The following ARNT2 variants were observed in gnomAD, a reference collection of about 807,000 sequenced individuals.
The protein encoded by ARNT2 is ARNT protein 2.
In ARNT2, 36 loss-of-function variants were observed where a neutral mutation model predicts 91.7. The ratio of observed to expected loss-of-function variants is 0.39; its 90% CI spans 0.30 to 0.52. ARNT2 has a LOEUF of 0.52. ARNT2 is among the 20% of genes least tolerant of loss of function. The pLI, the probability that ARNT2 is intolerant of heterozygous loss-of-function variation, is 0.72. For missense variants in ARNT2, 775 were observed against 939.3 expected (o/e 0.83, Z 2.29); for synonymous variants, 365 against 347.1 (o/e 1.05, Z -0.57).
chr15:80,460,505 C>T (rs889533993), intron 3 of ARNT2, among the ~76,000 whole-genome samples: 1 of 152,240 alleles, frequency 6.6e-6, no homozygotes, highest in Non-Finnish European at 1.5e-5. Flanking sequence ...TCCCGCCTGC[C>T]AGTGCCATAA....
chr15:80,570,521 T>A (rs1898565798), intron 12 of ARNT2, among the ~76,000 whole-genome samples: 1 of 152,212 alleles, frequency 6.6e-6, no homozygotes, highest in South Asian at 2.1e-4. Flanking sequence ...ATTATACTGA[T>A]TCATTTTTCA....
chr15:80,591,444 C>A lies in ARNT2; in HGVS notation c.1919-124C>A. The A allele has an allele frequency of 1.6e-6, 2 of 1,246,574 alleles. No homozygotes were observed. Among genetic ancestry groups the A allele is most frequent in the Non-Finnish European group, 2.3e-6 (2 of 872,566 alleles). The allele number at this position is 1,246,574 out of a possible 1,614,324, so 77.2% of individuals were successfully genotyped here. ...GAAAGACGAGGATAGCAAACACATT[C>A]CGCCAGCTCTGGATGGAACGTGCCT... is the stretch of plus-strand genomic sequence containing the variant. On this transcript the variant is annotated intron_variant, in intron 17 of 18. Transcript: ENST00000303329. This position sits in a 1 kb window ranked among gnomAD's most constrained non-coding sequence, Gnocchi z 5.1.
intron 3 of ARNT2, among the ~76,000 whole-genome samples, chr15:80,467,262 C>T (rs1048799983): frequency 2.0e-5 from 3 of 152,108 alleles, no homozygotes; most frequent in South Asian, 2.1e-4. Flanking sequence ...AGCAGGCAGT[C>T]GGCATGGACT....
intron 1 of ARNT2, among the ~76,000 whole-genome samples, chr15:80,411,196 A>G (rs1053032614): frequency 1.3e-5 from 2 of 152,232 alleles, no homozygotes; most frequent in South Asian, 4.1e-4. Flanking sequence ...CCAGGGCCCC[A>G]TAAAGCTGTA....
Position 80,595,333 on chromosome 15 carries a change from C to T in ARNT2, c.*1635C>T, listed in dbSNP as rs1436504415. ...TCCCAGAGTCCTTCAGGTAGGCCCT[C>T]GCAGATGCTGCTTGCTCAGAAACAA... On this transcript the variant is annotated 3_prime_UTR_variant, in exon 19 of 19. Coordinates refer to ENST00000303329, the MANE Select transcript of ARNT2 (RefSeq NM_014862.4). The T allele has an allele frequency of 1.3e-5, 2 of 152,266 alleles. No individual in the cohort carries two copies. Among genetic ancestry groups the T allele is most frequent in the Non-Finnish European group, 2.9e-5 (2 of 68,106 alleles). The allele number at this position is 152,266 out of a possible 1,614,324, so 9.4% of individuals were successfully genotyped here. A position where few individuals can be genotyped will look rare whatever the true frequency, so the allele number is the denominator to read the frequency against.
chr15:80,508,281 G>A (rs1348992578), intron 6 of ARNT2, 23 bp downstream of exon 6: 3 of 1,611,710 alleles, frequency 1.9e-6, no homozygotes, highest in Non-Finnish European at 2.5e-6. Flanking sequence ...GGAGCAGCAG[G>A]CCATCAGGTG....
intron 6 of ARNT2, among the ~76,000 whole-genome samples, chr15:80,510,022 G>A (rs138276412): frequency 2.6e-4 from 40 of 152,132 alleles, no homozygotes; most frequent in Middle Eastern, 3.2e-3. Context: ...AAACTGCCCC[G>A]GTTTTCTGTG....
In ARNT2 at chr15:80,591,387, A is replaced by G. The variant is rs1893277300; in HGVS notation, c.1919-181A>G. ...TGGGCAAAGGGCTCCTGTGTCTCTTATCCACTCCATTTATGATCTGTCAGC... is the reference window on the plus strand; with the variant it reads ...TGGGCAAAGGGCTCCTGTGTCTCTTGTCCACTCCATTTATGATCTGTCAGC... On this transcript the variant is annotated intron_variant, in intron 17 of 18. Coordinates refer to ENST00000303329, the MANE Select transcript of ARNT2 (RefSeq NM_014862.4). This position sits in a 1 kb window ranked among gnomAD's most constrained non-coding sequence, Gnocchi z 5.1. Among the ~76,000 whole-genome samples the G allele has an allele frequency of 6.6e-6, 1 of 152,158 alleles. No individual in the cohort carries two copies. Among genetic ancestry groups the G allele is most frequent in the South Asian group, 2.1e-4 (1 of 4,828 alleles).
chr15:80,427,732 C>T (rs1056703409), intron 1 of ARNT2, among the ~76,000 whole-genome samples: 2 of 152,172 alleles, frequency 1.3e-5, no homozygotes, highest in East Asian at 1.9e-4. Flanking sequence ...TGCTGCTTAC[C>T]CAGGCCTTGC....
intron 5 of ARNT2, among the ~76,000 whole-genome samples, chr15:80,505,749 G>A (rs74474712): frequency 7.0e-4 from 106 of 152,168 alleles, no homozygotes; most frequent in African/African-American, 2.5e-3. Context: ...TAGTGGTGGT[G>A]CCAATGACAA....
Position 80,574,162 on chromosome 15 carries a change from A to G in ARNT2, c.1331A>G (p.Gln444Arg). 1 of 1,614,260 alleles carries G rather than the reference A, an allele frequency of 6.2e-7. No homozygotes were observed. Among genetic ancestry groups the G allele is most frequent in the Middle Eastern group, 1.6e-4 (1 of 6,062 alleles). Residue 444 changes from glutamine (Q) to arginine (R), a missense_variant, in exon 13 of 19, where the codon CAG becomes CGG. Gln to Arg is a conservative substitution (Grantham distance 43, BLOSUM62 1). Transcript: ENST00000303329. ...TNTNVKQLQQ[Q>R]QAELEVHQRD... ...TTGTTTCACAGGCAACTTCAGCAAC[A>G]GCAGGCAGAATTGGAAGTGCACCAG... is the stretch of plus-strand genomic sequence containing the variant.
chr15:80,533,450 C>G (rs952448341), intron 8 of ARNT2, among the ~76,000 whole-genome samples: 1 of 152,070 alleles, frequency 6.6e-6, no homozygotes, highest in African/African-American at 2.4e-5. Flanking sequence ...TGGGGTGCCC[C>G]AGGCAGAAAT....
intron 5 of ARNT2, among the ~76,000 whole-genome samples, chr15:80,496,137 C>T (rs924849852): frequency 1.3e-5 from 2 of 152,292 alleles, no homozygotes; most frequent in Admixed American, 6.5e-5. Flanking sequence ...GCTCTCTACC[C>T]AGTCTCTACA....
intron 15 of ARNT2, 144 bp from the exon 16 acceptor site, chr15:80,580,267 T>C (rs4778826): frequency 0.039 from 40,918 of 1,062,096 alleles, 3,825 homozygotes; most frequent in African/African-American, 0.29. Flanking sequence ...AGGCTCACGA[T>C]GTGTGAGTCA....
chr15:80,573,507 G>T (rs1898618625), intron 12 of ARNT2, among the ~76,000 whole-genome samples: 1 of 152,024 alleles, frequency 6.6e-6, no homozygotes, highest in Admixed American at 6.5e-5. Context: ...CCATTTTTAG[G>T]CTCTGAGCTA....
intron 2 of ARNT2, among the ~76,000 whole-genome samples, chr15:80,453,484 T>C (rs1896433875): frequency 6.6e-6 from 1 of 152,202 alleles, no homozygotes; most frequent in Admixed American, 6.5e-5. Flanking sequence ...GCCGTTTCCA[T>C]AGTAATTCTT....
intron 8 of ARNT2, among the ~76,000 whole-genome samples, chr15:80,549,888 A>C (rs1442898222): frequency 2.6e-5 from 4 of 152,240 alleles, no homozygotes; most frequent in African/African-American, 4.8e-5. Context: ...AATAAAACAC[A>C]TATGCACAAG....
intron 17 of ARNT2, among the ~76,000 whole-genome samples, chr15:80,585,800 C>G (rs1035701875): frequency 1.3e-5 from 2 of 152,152 alleles, no homozygotes; most frequent in African/African-American, 4.8e-5. Flanking sequence ...GAGGGAGCAC[C>G]CTGACATCCT....
intron 1 of ARNT2, chr15:80,436,324 G>C (rs1896085534): frequency 6.5e-6 from 1 of 154,446 alleles, no homozygotes; most frequent in African/African-American, 2.4e-5. Context: ...TCACTGAAGG[G>C]TGTGGTGATT....
Sources: gnomAD v4.1 joint callset for allele counts (sites outside exome capture counted in the v4.1 genomes callset) on GRCh38, gnomAD v4.1.1 for gene constraint, Gnocchi (gnomAD v3.1) non-coding constraint, MANE v1.5 for transcripts, NCBI Gene and HGNC (gene_info 2026-07-23, HGNC 2026-07-21) for gene names.